DACH1: variants seen among roughly 807,000 people sequenced by gnomAD.
DACH1 encodes dachshund family transcription factor 1, also known as dachshund homolog 1.
DACH1 carries 12 observed loss-of-function variants against 54.2 expected under a neutral mutation model. That is an observed-to-expected ratio of 0.22 (90% confidence interval 0.14 to 0.36). The LOEUF (loss-of-function observed/expected upper bound fraction) is 0.36, where lower values mean the gene tolerates loss of function less well. Among genes scored for constraint, DACH1 ranks in the 10% least tolerant of loss-of-function variants. The pLI is 1.00. For missense variants in DACH1, 805 were observed against 929.8 expected (o/e 0.87, Z 1.75); for synonymous variants, 386 against 366.2 (o/e 1.05, Z -0.62).
At chr13:71,657,888 G>A (rs758714074) in intron 2 of DACH1, among the ~76,000 whole-genome samples, 5 of 152,120 alleles carry the variant, frequency 3.3e-5, no homozygotes, top group Admixed American at 2.0e-4. Context: ...GATTACGGGT[G>A]TGAGCCACCG....
At chr13:71,714,099 T>C (rs997884932) in intron 1 of DACH1, among the ~76,000 whole-genome samples, 41 of 152,220 alleles carry the variant, frequency 2.7e-4, no homozygotes, top group African/African-American at 9.4e-4. Flanking sequence ...TGTGCATAAA[T>C]AGATGCTCAG....
chr13:71,552,844 GAGA>G lies in DACH1; in HGVS notation c.1570+4177_1570+4179del, dbSNP rs1883961474. 3.1e-4 allele frequency among the ~76,000 whole-genome samples: 12 copies of G among 39,310 alleles called. 1 individual carries two copies. The highest frequency in any genetic ancestry group is 9.0e-5 in the Non-Finnish European group (2 of 22,232). 25.8% of individuals were successfully genotyped at this position (39,310 alleles called of 152,430 possible). On this transcript the variant is annotated intron_variant, in intron 6 of 10. Coordinates refer to ENST00000613252, the MANE Select transcript of DACH1 (RefSeq NM_080759.6). ...ATATATATATATATATATATATATA[GAGA>G]GAGAGAGAGAGAGAGAGAGAGAGAG...
At chr13:71,583,284 T>C (rs1240002909) in intron 3 of DACH1, among the ~76,000 whole-genome samples, 1 of 152,156 alleles carries the variant, frequency 6.6e-6, no homozygotes, top group Non-Finnish European at 1.5e-5. Context: ...GGCATTTAGC[T>C]AAATCAGTCA....
chr13:71,688,195 C>A (rs930053619), intron 1 of DACH1, among the ~76,000 whole-genome samples: 2 of 152,116 alleles, frequency 1.3e-5, no homozygotes, highest in Non-Finnish European at 2.9e-5. Flanking sequence ...ATTAAATAAA[C>A]CTCAGGAAAT....
intron 10 of DACH1, among the ~76,000 whole-genome samples, chr13:71,443,727 C>T (rs1048779055): frequency 6.6e-6 from 1 of 151,472 alleles, no homozygotes; most frequent in Non-Finnish European, 1.5e-5. Flanking sequence ...AGGGATTTTA[C>T]CTCTTTGGCC....
chr13:71,699,566 G>A (rs995445865), intron 1 of DACH1, among the ~76,000 whole-genome samples: 1 of 152,144 alleles, frequency 6.6e-6, no homozygotes, highest in African/African-American at 2.4e-5. Context: ...TACCTTGAAT[G>A]GGTGGTGTGT....
chr13:71,517,461 G>A (rs1319500178), intron 6 of DACH1, among the ~76,000 whole-genome samples: 4 of 151,864 alleles, frequency 2.6e-5, no homozygotes, highest in Non-Finnish European at 4.4e-5. Context: ...GTCAGTCTTC[G>A]TAGTTGTGTG....
rs9572767 is a variant in DACH1, at chr13:71,679,593, A to T, written c.964+2202T>A. Among the ~76,000 whole-genome samples the T allele has an allele frequency of 1.3e-4, 20 of 150,002 alleles. No homozygotes were observed. In the East Asian group the frequency reaches 3.9e-3, roughly 29 times the overall value. ...AAATGATTATTAAAATGGTTATTTA[A>T]AAAAAAAACATCAGAAACATGGTTC... On this transcript the variant is annotated intron_variant, in intron 2 of 10. Transcript: ENST00000613252.
chr13:71,615,076 T>A (rs1370334848), intron 3 of DACH1, among the ~76,000 whole-genome samples: 2 of 152,064 alleles, frequency 1.3e-5, no homozygotes, highest in African/African-American at 2.4e-5. Flanking sequence ...AAAATTTATA[T>A]TTTAAGATTA....
intron 1 of DACH1, among the ~76,000 whole-genome samples, chr13:71,718,499 C>T (rs542826961): frequency 3.4e-4 from 51 of 148,760 alleles, no homozygotes; most frequent in African/African-American, 1.2e-3. Context: ...TTACTTGTGT[C>T]AGGGAAATCC....
intron 3 of DACH1, among the ~76,000 whole-genome samples, chr13:71,619,051 G>A (rs1876003742): frequency 6.6e-6 from 1 of 151,136 alleles, no homozygotes; most frequent in Non-Finnish European, 1.5e-5. Context: ...AATTTTTAAA[G>A]GTAGTGCTGA....
chr13:71,530,085 T>C (rs990994627), intron 6 of DACH1, among the ~76,000 whole-genome samples: 68 of 152,112 alleles, frequency 4.5e-4, no homozygotes, highest in Admixed American at 4.5e-3. Flanking sequence ...CACAAAATAA[T>C]TGAACACTGA....
chr13:71,661,024 G>A (rs1183255018), intron 2 of DACH1, among the ~76,000 whole-genome samples: 1 of 149,178 alleles, frequency 6.7e-6, no homozygotes, highest in Non-Finnish European at 1.5e-5. Context: ...GAAAAAGATT[G>A]TTATAGAACA....
At chr13:71,498,944 G>A (rs1247103146) in intron 6 of DACH1, among the ~76,000 whole-genome samples, 1 of 151,858 alleles carries the variant, frequency 6.6e-6, no homozygotes, top group Non-Finnish European at 1.5e-5. Flanking sequence ...TTCCAATCTT[G>A]GCCTTGACAG....
intron 3 of DACH1, among the ~76,000 whole-genome samples, chr13:71,577,183 C>A (rs1271994496): frequency 6.6e-6 from 1 of 152,120 alleles, no homozygotes; most frequent in Non-Finnish European, 1.5e-5. Flanking sequence ...TTCTGATGCC[C>A]ACTTTCTCCA....
chr13:71,568,012 G>T (rs1884991576), intron 4 of DACH1, among the ~76,000 whole-genome samples: 1 of 151,916 alleles, frequency 6.6e-6, no homozygotes, highest in African/African-American at 2.4e-5. Context: ...AAGAGAAATT[G>T]ATCTCTTGAT....
At chr13:71,662,848 T>C (rs1040482055) in intron 2 of DACH1, among the ~76,000 whole-genome samples, 1 of 151,982 alleles carries the variant, frequency 6.6e-6, no homozygotes, top group African/African-American at 2.4e-5. Context: ...CCTAGTTTTC[T>C]CTTCCTCTTT....
chr13:71,754,257 T>C (rs1193703436), intron 1 of DACH1, among the ~76,000 whole-genome samples: 1 of 152,194 alleles, frequency 6.6e-6, no homozygotes, highest in African/African-American at 2.4e-5. Context: ...CCTTCTGGCA[T>C]CGCCCATGGC....
chr13:71,787,978 A>G (rs1164975056), intron 1 of DACH1, among the ~76,000 whole-genome samples: 1 of 152,214 alleles, frequency 6.6e-6, no homozygotes, highest in Non-Finnish European at 1.5e-5. Context: ...TTTTAAAAAT[A>G]CAGTGATATA....
Sources: gnomAD v4.1 joint callset for allele counts (sites outside exome capture counted in the v4.1 genomes callset) on GRCh38, gnomAD v4.1.1 for gene constraint, MANE v1.5 for transcripts, NCBI Gene and HGNC (gene_info 2026-07-23, HGNC 2026-07-21) for gene names.